The following DHRS7B variants were observed in gnomAD, a reference collection of about 807,000 sequenced individuals.
DHRS7B encodes peroxisomal reductase activating PPAR-gamma.
DHRS7B carries 24 observed loss-of-function variants against 26.4 expected under a neutral mutation model. The ratio of observed to expected loss-of-function variants is 0.91; its 90% confidence interval spans 0.66 to 1.28. The LOEUF (loss-of-function observed/expected upper bound fraction) is 1.28, where lower values mean the gene tolerates loss of function less well. Among genes scored for constraint, DHRS7B ranks in the 50% most tolerant of loss-of-function variants. The pLI is 0.00. For missense variants in DHRS7B, 368 were observed against 419.4 expected, an observed-to-expected ratio of 0.88 and a Z score of 1.07; for synonymous variants, 142 against 166.4, an observed-to-expected ratio of 0.85 and a Z score of 1.13.
At chr17:21,170,376 T>A (rs1442066479) in intron 1 of DHRS7B, among the ~76,000 whole-genome samples, 1 of 152,176 alleles carries the variant, frequency 6.6e-6, no homozygotes, top group Non-Finnish European at 1.5e-5. Flanking sequence ...GAACACCTGG[T>A]CAGAACTTCC....
chr17:21,190,812 A>T, intron 6 of DHRS7B, 136 bp from the exon 7 acceptor site: 1 of 835,390 alleles, frequency 1.2e-6, no homozygotes, highest in East Asian at 2.6e-5. Flanking sequence ...GTGGCACACC[A>T]CTGGCTTCCT....
intron 1 of DHRS7B, 41 bp downstream of exon 1, chr17:21,127,032 AG>A: frequency 6.6e-7 from 1 of 1,512,150 alleles, no homozygotes; most frequent in Non-Finnish European, 8.8e-7. Context: ...ATGAGGCGAT[AG>A]GGTCTGGCCT....
rs1973277103 is a variant in DHRS7B at position 21,133,258 on chromosome 17, G to GT, written c.20+6268dup. The stretch of plus-strand genomic sequence containing the variant: ...AGTTTATTTTGCCAAGGTTGAGGAT[G>GT]TGCCCATGACACAGCCTCAGGAGGT... On this transcript the variant is annotated intron_variant, in intron 1 of 6. Transcript: ENST00000395511. 3.3e-5 allele frequency among the ~76,000 whole-genome samples: 5 copies of GT among 152,320 alleles called. No homozygotes were observed. The East Asian group carries it at 9.6e-4, about 29-fold the overall frequency.
chr17:21,163,301 T>A (rs867456797), intron 1 of DHRS7B, among the ~76,000 whole-genome samples: 1 of 152,168 alleles, frequency 6.6e-6, no homozygotes, highest in Non-Finnish European at 1.5e-5. Context: ...TAGGGGGACA[T>A]TTACTTCTGG....
chr17:21,172,221 A>T (rs780403480), intron 2 of DHRS7B, 25 bp downstream of exon 2: 1 of 1,593,940 alleles, frequency 6.3e-7, no homozygotes, highest in Non-Finnish European at 8.5e-7. Flanking sequence ...CAGTGCTGCC[A>T]GGGGGCGGGG....
In DHRS7B at chr17:21,191,376, TG is replaced by T; in HGVS notation, c.*227del. On this transcript the variant is annotated 3_prime_UTR_variant, in exon 7 of 7. Coordinates refer to ENST00000395511, the MANE Select transcript of DHRS7B (RefSeq NM_015510.5). ...AACACTTAAGGAATAAATATGGAGC[TG>T]GGGTTTAACACTAAAAACTAGAAAT... 1.8e-6 allele frequency: 1 copy of T among 563,122 alleles called. No individual in the cohort carries two copies. The highest frequency in any genetic ancestry group is 3.2e-6 in the Non-Finnish European group (1 of 316,840). The allele number at this position is 563,122 out of a possible 1,614,324, so 34.9% of individuals were successfully genotyped here.
chr17:21,148,015 A>G (rs1396370539), intron 1 of DHRS7B, among the ~76,000 whole-genome samples: 1 of 152,162 alleles, frequency 6.6e-6, no homozygotes, highest in African/African-American at 2.4e-5. Context: ...CAGGAGTTTG[A>G]GACCAGCCTA....
intron 1 of DHRS7B, among the ~76,000 whole-genome samples, chr17:21,141,640 A>AAAAAAAAAAAAC: frequency 1.1e-5 from 1 of 90,078 alleles, no homozygotes; most frequent in Non-Finnish European, 2.1e-5. Context: ...AAAAAAAAAA[A>AAAAAAAAAAAAC]CAACCTCATC....
At chr17:21,162,911 T>G (rs762575007) in intron 1 of DHRS7B, among the ~76,000 whole-genome samples, 3 of 152,082 alleles carry the variant, frequency 2.0e-5, no homozygotes, top group Non-Finnish European at 4.4e-5. Context: ...AAATACAGGT[T>G]TAGGCCGGGC....
intron 1 of DHRS7B, among the ~76,000 whole-genome samples, chr17:21,140,488 A>ACACACACACACACG (rs1973475242): frequency 7.7e-6 from 1 of 130,426 alleles, no homozygotes; most frequent in Admixed American, 7.8e-5. Flanking sequence ...ATACACACAC[A>ACACACACACACACG]CACACACACA....
chr17:21,183,303 T>G (rs1321191193), intron 3 of DHRS7B, among the ~76,000 whole-genome samples: 2 of 152,236 alleles, frequency 1.3e-5, no homozygotes, highest in African/African-American at 4.8e-5. Flanking sequence ...TTCTGTTTTT[T>G]CCTTGTCATT....
intron 1 of DHRS7B, among the ~76,000 whole-genome samples, chr17:21,157,389 G>A (rs1973904630): frequency 6.6e-6 from 1 of 152,182 alleles, no homozygotes; most frequent in African/African-American, 2.4e-5. Flanking sequence ...TCCAAGATGT[G>A]TAAGTCTGGT....
chr17:21,183,010 C>T (rs543943485), intron 3 of DHRS7B, among the ~76,000 whole-genome samples: 1 of 152,248 alleles, frequency 6.6e-6, no homozygotes, highest in East Asian at 1.9e-4. Flanking sequence ...TGAAGCCATC[C>T]GGTCCAGGAC....
At position 21,184,453 on chromosome 17, in the gene DHRS7B, TC is replaced by T. The variant is rs1235620693; in HGVS notation, c.610del (p.Arg204AspfsTer29). ...TCCAGGGCAAGATGAGCATTCCTTT[TC>T]GATCAGCATGTGAGTACTTCTCTCT... ...SIQGKMSIPF[R>X]SAYAASKHAT... On this transcript the variant is annotated frameshift_variant, in exon 5 of 7. Coordinates refer to ENST00000395511, the MANE Select transcript of DHRS7B (RefSeq NM_015510.5). LOFTEE classifies it high-confidence loss of function. 6.2e-7 allele frequency: 1 copy of T among 1,614,152 alleles called. No individual in the cohort carries two copies.
In DHRS7B at chr17:21,172,103, G is replaced by A. The variant is rs777957961; in HGVS notation, c.106G>A (p.Gly36Ser). 3.1e-6 allele frequency: 5 copies of A among 1,614,146 alleles called. No homozygotes were observed. Among genetic ancestry groups the A allele is most frequent in the South Asian group, 2.2e-5 (2 of 91,074 alleles). The change falls in exon 2 of 7, where the codon GGC (glycine) becomes AGC (serine). Residue 36 changes from glycine (G) to serine (S), a missense_variant. Transcript: ENST00000395511. ...PLLFGCLGVF[G>S]LFRLLQWVRG... ...GCTGTTCGGCTGCCTGGGCGTCTTC[G>A]GCCTCTTCCGGCTGCTGCAGTGGGT...
intron 1 of DHRS7B, among the ~76,000 whole-genome samples, chr17:21,165,182 C>T (rs1974083931): frequency 6.6e-6 from 1 of 152,084 alleles, no homozygotes; most frequent in Admixed American, 6.6e-5. Flanking sequence ...GTCTTGTCCC[C>T]CTCCCCCATG....
rs554391712 is a variant in DHRS7B at position 21,191,107 on chromosome 17, T to C, written c.932T>C (p.Leu311Pro). 6.2e-7 allele frequency: 1 copy of C among 1,614,076 alleles called. No individual in the cohort carries two copies. Among genetic ancestry groups the C allele is most frequent in the African/African-American group, 1.3e-5 (1 of 75,068 alleles). Residue 311 changes from leucine to proline, a missense_variant, in exon 7 of 7, where the codon CTC becomes CCC. Physicochemically the swap from Leu to Pro is moderately conservative, Grantham distance 98 (BLOSUM62 -3). Coordinates refer to ENST00000395511, the MANE Select transcript of DHRS7B (RefSeq NM_015510.5). The stretch of plus-strand genomic sequence containing the variant: ...CTGGCTCCTGGGCTCTTCTTCAGCC[T>C]CATGGCCTCCAGGGCCAGAAAAGAG... ...RTLAPGLFFSLMASRARKERK... is the reference protein window; with the variant it reads ...RTLAPGLFFSPMASRARKERK...
At chr17:21,181,343 C>T (rs1974510861) in intron 3 of DHRS7B, among the ~76,000 whole-genome samples, 1 of 152,172 alleles carries the variant, frequency 6.6e-6, no homozygotes, top group African/African-American at 2.4e-5. Context: ...ACTTTACCCT[C>T]CCAAAATGCC....
At chr17:21,143,448 G>A (rs1973571085) in intron 1 of DHRS7B, among the ~76,000 whole-genome samples, 1 of 152,156 alleles carries the variant, frequency 6.6e-6, no homozygotes, top group Admixed American at 6.5e-5. Context: ...GCCACAGGAT[G>A]GGCAAAATGT....
Sources: gnomAD v4.1 joint callset for allele counts (sites outside exome capture counted in the v4.1 genomes callset) on GRCh38, gnomAD v4.1.1 for gene constraint, MANE v1.5 for transcripts, NCBI Gene and HGNC (gene_info 2026-07-23, HGNC 2026-07-21) for gene names.